Variants in HS6ST3 observed in about 807,000 individuals in gnomAD.
HS6ST3 encodes heparan-sulfate 6-O-sulfotransferase 3.
In HS6ST3, 12 loss-of-function variants were observed where a neutral mutation model predicts 36.7. The ratio of observed to expected loss-of-function variants is 0.33; its 90% CI spans 0.21 to 0.53. The LOEUF (loss-of-function observed/expected upper bound fraction) is 0.53. Among genes scored for constraint, HS6ST3 ranks in the 20% least tolerant of loss-of-function variants. The pLI is 0.95. For missense variants in HS6ST3, 584 were observed against 640.9 expected, an observed-to-expected ratio of 0.91 and a Z score of 0.96; for synonymous variants, 240 against 257.5, an observed-to-expected ratio of 0.93 and a Z score of 0.65.
At chr13:96,807,760 G>A (rs147881828) in intron 1 of HS6ST3, among the ~76,000 whole-genome samples, 2,238 of 152,004 alleles carry the variant, frequency 0.015, 53 homozygotes, top group African/African-American at 0.051. Flanking sequence ...CAGCTACTCG[G>A]GAGGCTGAGG....
chr13:96,157,072 A>G (rs1425043929), intron 1 of HS6ST3, among the ~76,000 whole-genome samples: 1 of 152,250 alleles, frequency 6.6e-6, no homozygotes, highest in Non-Finnish European at 1.5e-5. Context: ...TTATTGATCT[A>G]TTAAACAAGG....
At chr13:96,235,076 A>G (rs1157339270) in intron 1 of HS6ST3, among the ~76,000 whole-genome samples, 4 of 152,180 alleles carry the variant, frequency 2.6e-5, no homozygotes, top group African/African-American at 9.7e-5. Flanking sequence ...GATTTATCCA[A>G]TGTGATACCA....
At chr13:96,470,941 T>A (rs933906087) in intron 1 of HS6ST3, among the ~76,000 whole-genome samples, 2 of 152,196 alleles carry the variant, frequency 1.3e-5, no homozygotes, top group African/African-American at 4.8e-5. Context: ...AGAAATAGCA[T>A]CTGTAATTTT....
In HS6ST3 at chr13:96,718,795, A is replaced by G. The variant is rs541920636; in HGVS notation, c.708-113695A>G. On this transcript the variant is annotated intron_variant, in intron 1 of 1. Transcript: ENST00000376705. ...ATGAATGAATGCTTATATCTGGTAA[A>G]TGCCTGCATTAGCCATTGTGACTAC... 3.9e-5 allele frequency among the ~76,000 whole-genome samples: 6 copies of G among 152,326 alleles called. No individual in the cohort carries two copies. In the South Asian group the frequency reaches 1.0e-3, roughly 26 times the overall value.
At chr13:96,508,870 C>A (rs781515539) in intron 1 of HS6ST3, among the ~76,000 whole-genome samples, 7 of 152,006 alleles carry the variant, frequency 4.6e-5, no homozygotes, top group Admixed American at 1.3e-4. Context: ...ATAATGACTT[C>A]TTTTCCTTTG....
intron 1 of HS6ST3, among the ~76,000 whole-genome samples, chr13:96,175,837 T>C (rs545142404): frequency 1.1e-4 from 16 of 150,186 alleles, no homozygotes; most frequent in African/African-American, 3.4e-4. Context: ...TATTCTTTCT[T>C]TTTTTTTTTC....
chr13:96,747,567 G>A (rs1313843923), intron 1 of HS6ST3, among the ~76,000 whole-genome samples: 2 of 152,012 alleles, frequency 1.3e-5, no homozygotes, highest in Non-Finnish European at 2.9e-5. Context: ...TATAATTAAT[G>A]TGATTTTCTT....
At chr13:96,110,410 C>G (rs1045084867) in intron 1 of HS6ST3, among the ~76,000 whole-genome samples, 2 of 150,070 alleles carry the variant, frequency 1.3e-5, no homozygotes, top group African/African-American at 4.9e-5. Flanking sequence ...TAGGGGATCA[C>G]ATTTCTTTTC....
At chr13:96,402,549 A>G (rs2055457055) in intron 1 of HS6ST3, among the ~76,000 whole-genome samples, 1 of 152,186 alleles carries the variant, frequency 6.6e-6, no homozygotes, top group African/African-American at 2.4e-5. Context: ...GCATTGCCTC[A>G]ATAAGTTCCT....
chr13:96,503,588 G>A (rs188486186), intron 1 of HS6ST3, among the ~76,000 whole-genome samples: 7 of 152,282 alleles, frequency 4.6e-5, no homozygotes, highest in Admixed American at 4.6e-4. Context: ...TTCCAGCCTA[G>A]TGGGATAGGG....
chr13:96,299,827 C>A (rs1395789655), intron 1 of HS6ST3, among the ~76,000 whole-genome samples: 2 of 151,980 alleles, frequency 1.3e-5, no homozygotes, highest in East Asian at 3.9e-4. Flanking sequence ...ATGATATGAA[C>A]AAGTTATATT....
chr13:96,838,723 G>A lies in HS6ST3; in HGVS notation c.*5525G>A, dbSNP rs1878998456. 1 of 152,100 alleles carries A rather than the reference G, an allele frequency of 6.6e-6. No individual in the cohort carries two copies. The highest frequency in any genetic ancestry group is 2.4e-5 in the African/African-American group (1 of 41,428). The allele number at this position is 152,100 out of a possible 1,614,324, so 9.4% of individuals were successfully genotyped here. A position where few individuals can be genotyped will look rare whatever the true frequency, so the allele number is the denominator to read the frequency against. The stretch of plus-strand genomic sequence containing the variant: ...TGAGACTTCAAATTAGCCCTTCTGA[G>A]CAAGTGGGCAGGTTCTGAAACCTGT... On this transcript the variant is annotated 3_prime_UTR_variant, in exon 2 of 2. Coordinates refer to ENST00000376705, the MANE Select transcript of HS6ST3 (RefSeq NM_153456.4).
At chr13:96,184,734 C>T (rs2054257525) in intron 1 of HS6ST3, among the ~76,000 whole-genome samples, 1 of 152,082 alleles carries the variant, frequency 6.6e-6, no homozygotes. Context: ...GTCCTTCCTC[C>T]CTGCCCCCAC....
rs1315518168 is a variant in HS6ST3 at position 96,549,971 on chromosome 13, G to A, written c.708-282519G>A. Among the ~76,000 whole-genome samples, 8 of 152,154 alleles carry A rather than the reference G, an allele frequency of 5.3e-5. No individual in the cohort carries two copies. In the East Asian group the frequency reaches 5.8e-4, roughly 11 times the overall value. On this transcript the variant is annotated intron_variant, in intron 1 of 1. Coordinates refer to ENST00000376705, the MANE Select transcript of HS6ST3 (RefSeq NM_153456.4). Reference sequence around the variant, plus strand: ...CTTTTGTCATCTCCCTTGTCACATTGTATGTTCTCTATTTCCACATTTGCC... The same window carrying A: ...CTTTTGTCATCTCCCTTGTCACATTATATGTTCTCTATTTCCACATTTGCC...
intron 1 of HS6ST3, among the ~76,000 whole-genome samples, chr13:96,594,556 G>A (rs1448015992): frequency 1.3e-5 from 2 of 152,032 alleles, no homozygotes; most frequent in Non-Finnish European, 2.9e-5. Context: ...AAACTGATGA[G>A]AACTTCGATC....
At chr13:96,797,296 C>T (rs577385236) in intron 1 of HS6ST3, among the ~76,000 whole-genome samples, 1 of 152,158 alleles carries the variant, frequency 6.6e-6, no homozygotes, top group East Asian at 1.9e-4. Flanking sequence ...CATCTGATGG[C>T]CAGACTGTCC....
intron 1 of HS6ST3, among the ~76,000 whole-genome samples, chr13:96,154,978 G>A (rs1313431486): frequency 6.6e-6 from 1 of 152,008 alleles, no homozygotes; most frequent in African/African-American, 2.4e-5. Flanking sequence ...TTGCAACAAA[G>A]TGTTCATCAC....
At chr13:96,410,992 A>G (rs1373768731) in intron 1 of HS6ST3, among the ~76,000 whole-genome samples, 1 of 152,196 alleles carries the variant, frequency 6.6e-6, no homozygotes, top group Non-Finnish European at 1.5e-5. Flanking sequence ...GAGGATGGTA[A>G]ATTTCCAGTT....
chr13:96,290,885 C>G (rs1395019069), intron 1 of HS6ST3, among the ~76,000 whole-genome samples: 1 of 152,194 alleles, frequency 6.6e-6, no homozygotes, highest in African/African-American at 2.4e-5. Context: ...CACAACTGAC[C>G]TCTTCACTGT....
Sources: gnomAD v4.1 joint callset for allele counts (sites outside exome capture counted in the v4.1 genomes callset) on GRCh38, gnomAD v4.1.1 for gene constraint, MANE v1.5 for transcripts, NCBI Gene and HGNC (gene_info 2026-07-23, HGNC 2026-07-21) for gene names.